ADAMTSL1: variants seen among roughly 807,000 people sequenced by gnomAD.
The protein encoded by ADAMTSL1 is ADAMTS-like protein 1.
A neutral mutation model predicts 201.8 loss-of-function variants in ADAMTSL1; 126 were observed. That is an observed-to-expected ratio of 0.62 (90% CI 0.54 to 0.72). The LOEUF is 0.72. Ranked by LOEUF, ADAMTSL1 falls within the 30% of genes least tolerant of loss-of-function variation. ADAMTSL1 has a pLI of 0.00. For synonymous variants in ADAMTSL1, 1,121 were observed against 903.4 expected (o/e 1.24, Z -4.32); for missense variants, 2,679 against 2,277.8 (o/e 1.18, Z -3.59).
chr9:18,133,789 T>C (rs1826046372), intron 1 of ADAMTSL1, among the ~76,000 whole-genome samples: 1 of 152,166 alleles, frequency 6.6e-6, no homozygotes, highest in African/African-American at 2.4e-5. Context: ...ATTATGGTAT[T>C]GGGGTAGGTA....
chr9:18,167,133 G>A (rs1282070985), intron 2 of ADAMTSL1, among the ~76,000 whole-genome samples: 2 of 151,880 alleles, frequency 1.3e-5, no homozygotes, highest in African/African-American at 2.4e-5. Flanking sequence ...TTTGTCAAAC[G>A]CTTTTATTCG....
chr9:18,806,949 G>C (rs1422980392), intron 20 of ADAMTSL1, among the ~76,000 whole-genome samples: 1 of 124,916 alleles, frequency 8.0e-6, no homozygotes. Flanking sequence ...AGCTGCCCTC[G>C]TTTACTGTGA....
chr9:18,252,230 T>C (rs943240975), intron 2 of ADAMTSL1, among the ~76,000 whole-genome samples: 1 of 152,142 alleles, frequency 6.6e-6, no homozygotes, highest in Non-Finnish European at 1.5e-5. Context: ...TAAAGACATA[T>C]AACTCAGTAG....
chr9:18,646,918 A>G (rs1018803505), intron 7 of ADAMTSL1, among the ~76,000 whole-genome samples: 31 of 152,068 alleles, frequency 2.0e-4, no homozygotes, highest in Non-Finnish European at 2.9e-5. Context: ...TGAGTTAGGG[A>G]GGATTCCCTC....
rs972073871 is a variant in ADAMTSL1 at position 18,461,483 on chromosome 9, C to T, written c.208-43346C>T. The stretch of plus-strand genomic sequence containing the variant: ...TTACCTCACATACATTATTATGGTT[C>T]TTATATTATGGTTGATAGACATGTT... On this transcript the variant is annotated intron_variant, in intron 2 of 29. Transcript: ENST00000680146. 3.3e-5 allele frequency among the ~76,000 whole-genome samples: 5 copies of T among 152,128 alleles called. No homozygotes were observed. In the East Asian group the frequency reaches 9.7e-4, roughly 29 times the overall value.
At chr9:18,268,903 A>G (rs1488559372) in intron 2 of ADAMTSL1, among the ~76,000 whole-genome samples, 2 of 152,146 alleles carry the variant, frequency 1.3e-5, no homozygotes, top group Non-Finnish European at 2.9e-5. Flanking sequence ...TTCCTTAAAA[A>G]ATGAACATGT....
intron 2 of ADAMTSL1, among the ~76,000 whole-genome samples, chr9:18,253,063 G>A (rs1430300227): frequency 6.6e-6 from 1 of 152,186 alleles, no homozygotes; most frequent in East Asian, 1.9e-4. Flanking sequence ...TGAAAAGAAT[G>A]TTACATTTAT....
intron 18 of ADAMTSL1, among the ~76,000 whole-genome samples, chr9:18,776,442 C>G (rs1044769460): frequency 2.6e-5 from 4 of 152,122 alleles, no homozygotes; most frequent in Admixed American, 2.0e-4. Flanking sequence ...CCGGGATCCC[C>G]CTCCATCTAG....
At chr9:18,766,120 G>A (rs1820348186) in intron 16 of ADAMTSL1, among the ~76,000 whole-genome samples, 1 of 152,164 alleles carries the variant, frequency 6.6e-6, no homozygotes, top group Admixed American at 6.5e-5. Context: ...GATTACAGAG[G>A]TGTACAACGC....
intron 4 of ADAMTSL1, among the ~76,000 whole-genome samples, chr9:18,615,492 C>G (rs1375998950): frequency 2.0e-5 from 3 of 152,176 alleles, no homozygotes; most frequent in African/African-American, 7.2e-5. Context: ...CTTGTTATTA[C>G]CACTCACTAT....
At chr9:18,272,299 A>C (rs1475112105) in intron 2 of ADAMTSL1, among the ~76,000 whole-genome samples, 1 of 152,162 alleles carries the variant, frequency 6.6e-6, no homozygotes, top group East Asian at 1.9e-4. Context: ...CAGAAATAAT[A>C]CTACACATCT....
At chr9:18,651,245 C>T (rs952742088) in intron 7 of ADAMTSL1, 1 of 152,202 alleles carries the variant, frequency 6.6e-6, no homozygotes. Context: ...GTATCCCCTC[C>T]CTCCCTTACC....
Position 18,000,521 on chromosome 9 carries a change from C to T in ADAMTSL1, c.87+93599C>T, listed in dbSNP as rs1382149941. Among the ~76,000 whole-genome samples the T allele has an allele frequency of 2.0e-5, 3 of 152,068 alleles. No individual in the cohort carries two copies. In the South Asian group the frequency reaches 6.2e-4, roughly 32 times the overall value. On this transcript the variant is annotated intron_variant, in intron 1 of 29. Transcript: ENST00000680146. ...GTTTCTTGACATCCACAAATGAGAT[C>T]CTTTCTCTCTGCCATAGGGTTCTTT... is the stretch of plus-strand genomic sequence containing the variant.
intron 2 of ADAMTSL1, among the ~76,000 whole-genome samples, chr9:18,204,515 A>G (rs1432646188): frequency 1.3e-5 from 2 of 152,194 alleles, no homozygotes; most frequent in Non-Finnish European, 2.9e-5. Flanking sequence ...GTATGAAAAC[A>G]TACTAATACA....
At chr9:18,212,799 C>T (rs1829925657) in intron 2 of ADAMTSL1, among the ~76,000 whole-genome samples, 1 of 152,006 alleles carries the variant, frequency 6.6e-6, no homozygotes, top group Non-Finnish European at 1.5e-5. Flanking sequence ...GGACGATAAC[C>T]CTTAGGTCAC....
At chr9:18,624,834 G>A (rs1254488488) in intron 5 of ADAMTSL1, among the ~76,000 whole-genome samples, 1 of 152,104 alleles carries the variant, frequency 6.6e-6, no homozygotes, top group Non-Finnish European at 1.5e-5. Flanking sequence ...ATTCAAGACC[G>A]ACAGTAGGTA....
intron 2 of ADAMTSL1, among the ~76,000 whole-genome samples, chr9:18,530,333 G>T (rs1819365317): frequency 6.6e-6 from 1 of 152,096 alleles, no homozygotes. Context: ...TGGATATAAG[G>T]TTAGGTAAAA....
intron 1 of ADAMTSL1, among the ~76,000 whole-genome samples, chr9:18,097,017 A>G (rs1275604395): frequency 1.3e-5 from 2 of 152,198 alleles, no homozygotes; most frequent in Non-Finnish European, 2.9e-5. Context: ...TCATCTTTGT[A>G]TCAGATATAC....
At chr9:18,755,422 A>G (rs534618058) in intron 16 of ADAMTSL1, among the ~76,000 whole-genome samples, 4 of 152,228 alleles carry the variant, frequency 2.6e-5, no homozygotes, top group Non-Finnish European at 4.4e-5. Context: ...GAATGAATAG[A>G]TGAAGAATGC....
Sources: gnomAD v4.1 joint callset for allele counts (sites outside exome capture counted in the v4.1 genomes callset) on GRCh38, gnomAD v4.1.1 for gene constraint, MANE v1.5 for transcripts, NCBI Gene and HGNC (gene_info 2026-07-23, HGNC 2026-07-21) for gene names.